Variants in PLCL2 observed in about 807,000 individuals in gnomAD.
PLCL2 encodes inactive phospholipase C-like protein 2.
Under a neutral mutation model 79.6 loss-of-function variants are expected in PLCL2, and 4 were observed. The ratio of observed to expected loss-of-function variants is 0.05; its 90% confidence interval spans 0.02 to 0.11. The LOEUF (loss-of-function observed/expected upper bound fraction) is 0.11, where lower values mean the gene tolerates loss of function less well. Ranked by LOEUF, PLCL2 falls within the 10% of genes least tolerant of loss-of-function variation. The probability of loss-of-function intolerance (pLI) is 1.00; values close to 1 mark genes in which losing one functional copy is unlikely to be tolerated. For synonymous variants in PLCL2, 484 were observed against 457.7 expected (o/e 1.06, Z -0.73); for missense variants, 895 against 1,291.0 (o/e 0.69, Z 4.70).
chr3:17,059,994 T>C (rs1361175134), intron 4 of PLCL2, among the ~76,000 whole-genome samples: 2 of 151,816 alleles, frequency 1.3e-5, no homozygotes, highest in African/African-American at 4.8e-5. Flanking sequence ...CAAACAAAAA[T>C]GTTCTGGGTC....
At chr3:16,990,398 T>C (rs184707905) in intron 1 of PLCL2, among the ~76,000 whole-genome samples, 1 of 152,328 alleles carries the variant, frequency 6.6e-6, no homozygotes, top group African/African-American at 2.4e-5. Flanking sequence ...CCTTCTGCAT[T>C]GGTGGTCAGA....
chr3:17,029,655 G>A (rs890545783), intron 3 of PLCL2, among the ~76,000 whole-genome samples: 10 of 152,116 alleles, frequency 6.6e-5, no homozygotes, highest in East Asian at 5.8e-4. Flanking sequence ...GATAGGGTCC[G>A]TTTGAGCTGA....
chr3:16,934,120 A>G (rs1204353715), intron 1 of PLCL2, among the ~76,000 whole-genome samples: 2 of 152,186 alleles, frequency 1.3e-5, no homozygotes, highest in African/African-American at 4.8e-5. Flanking sequence ...AGCCCTAGAT[A>G]TTGGGCATGC....
At chr3:16,954,830 G>C (rs948582375) in intron 1 of PLCL2, among the ~76,000 whole-genome samples, 9 of 152,186 alleles carry the variant, frequency 5.9e-5, no homozygotes, top group Admixed American at 5.2e-4. Context: ...GTCTTCTTTT[G>C]AGAAGTGTCT....
intron 5 of PLCL2, among the ~76,000 whole-genome samples, chr3:17,072,733 A>AT (rs1169684446): frequency 1.3e-5 from 2 of 151,614 alleles, no homozygotes; most frequent in African/African-American, 4.8e-5. Flanking sequence ...TCATATTGTT[A>AT]TTTTTTTATT....
chr3:16,897,246 C>T (rs1284968752), intron 1 of PLCL2, among the ~76,000 whole-genome samples: 1 of 151,492 alleles, frequency 6.6e-6, no homozygotes, highest in Non-Finnish European at 1.5e-5. Context: ...GTGAAAATGA[C>T]AGTCTGCCCT....
At chr3:16,997,288 C>T (rs2064163380) in intron 1 of PLCL2, among the ~76,000 whole-genome samples, 1 of 152,070 alleles carries the variant, frequency 6.6e-6, no homozygotes, top group South Asian at 2.1e-4. Flanking sequence ...CCACATAAAA[C>T]AATTAGATAA....
At chr3:16,913,252 C>A (rs1210655265) in intron 1 of PLCL2, among the ~76,000 whole-genome samples, 1 of 151,910 alleles carries the variant, frequency 6.6e-6, no homozygotes, top group Non-Finnish European at 1.5e-5. Context: ...TAATCTGTAC[C>A]CTATTCCAGA....
At chr3:16,975,386 GTAGGT>G (rs1001044344) in intron 1 of PLCL2, among the ~76,000 whole-genome samples, 3 of 152,198 alleles carry the variant, frequency 2.0e-5, no homozygotes, top group Non-Finnish European at 4.4e-5. Flanking sequence ...CTTTTAGTTA[GTAGGT>G]TCAGCTGCTT....
chr3:16,919,384 T>A (rs1050556271), intron 1 of PLCL2, among the ~76,000 whole-genome samples: 3 of 152,204 alleles, frequency 2.0e-5, no homozygotes, highest in Non-Finnish European at 4.4e-5. Context: ...TTGTTCCTCT[T>A]TTCCTTACTA....
At position 17,009,368 on chromosome 3, in the gene PLCL2, T is replaced by C. The variant is rs2064296145; in HGVS notation, c.328-306T>C. ...AACTCCTCACCTCAAGCAATCCTCC[T>C]GCCTTAGCCTCCCAAAGTGCTGAGT... On this transcript the variant is annotated intron_variant, in intron 1 of 5. Transcript: ENST00000615277. The surrounding 1 kb of genome is among the most constrained non-coding windows in gnomAD (Gnocchi z 4.0). 6.6e-6 allele frequency among the ~76,000 whole-genome samples: 1 copy of C among 152,102 alleles called. No individual in the cohort carries two copies. Among genetic ancestry groups the C allele is most frequent in the Non-Finnish European group, 1.5e-5 (1 of 68,020 alleles).
intron 1 of PLCL2, among the ~76,000 whole-genome samples, chr3:16,919,997 AG>A (rs1697086050): frequency 6.6e-6 from 1 of 152,202 alleles, no homozygotes; most frequent in African/African-American, 2.4e-5. Context: ...TAATCACCAG[AG>A]TATAATCTTG....
chr3:16,980,424 C>T (rs1012694825), intron 1 of PLCL2, among the ~76,000 whole-genome samples: 3 of 147,088 alleles, frequency 2.0e-5, no homozygotes, highest in Non-Finnish European at 3.0e-5. Context: ...TCAGACGGGG[C>T]GGTTGCCAGG....
Position 17,072,766 on chromosome 3 carries a change from T to A in PLCL2, c.3204+4701T>A, listed in dbSNP as rs1007918778. 2.0e-5 allele frequency among the ~76,000 whole-genome samples: 3 copies of A among 152,168 alleles called. No individual in the cohort carries two copies. In the East Asian group the frequency reaches 5.8e-4, roughly 29 times the overall value. ...ATTGTCCATGTTAAAAGTATTCATA[T>A]TTGGTCTTGAAACTATAATTGCCAT... is the stretch of plus-strand genomic sequence containing the variant. On this transcript the variant is annotated intron_variant, in intron 5 of 5. Coordinates refer to ENST00000615277, the MANE Select transcript of PLCL2 (RefSeq NM_001144382.2).
intron 1 of PLCL2, among the ~76,000 whole-genome samples, chr3:16,979,107 C>G (rs2063954738): frequency 6.6e-6 from 1 of 152,166 alleles, no homozygotes; most frequent in South Asian, 2.1e-4. Context: ...AAGTAGGGAT[C>G]TCTAAATTTG....
chr3:16,928,554 C>T (rs1697312496), intron 1 of PLCL2, among the ~76,000 whole-genome samples: 2 of 152,174 alleles, frequency 1.3e-5, no homozygotes, highest in Admixed American at 6.5e-5. Flanking sequence ...GCAAAGGGTG[C>T]AGTCTGATGC....
At chr3:16,903,079 T>C (rs1488632346) in intron 1 of PLCL2, among the ~76,000 whole-genome samples, 7 of 152,164 alleles carry the variant, frequency 4.6e-5, no homozygotes, top group Non-Finnish European at 4.4e-5. Flanking sequence ...AAGTTAGGAA[T>C]TGGGCATATT....
intron 4 of PLCL2, among the ~76,000 whole-genome samples, chr3:17,052,130 C>T (rs62247188): frequency 0.11 from 17,095 of 151,352 alleles, 1,562 homozygotes; most frequent in East Asian, 0.49. Flanking sequence ...CCATGAAAGT[C>T]ATCGAGTCCA....
intron 1 of PLCL2, among the ~76,000 whole-genome samples, chr3:16,917,464 C>G (rs1475717366): frequency 6.6e-6 from 1 of 152,114 alleles, no homozygotes; most frequent in African/African-American, 2.4e-5. Flanking sequence ...CTTGTCTCTG[C>G]TCTCTGATGT....
Sources: allele counts gnomAD v4.1 joint callset (sites outside exome capture counted in the v4.1 genomes callset), GRCh38; gene constraint gnomAD v4.1.1; non-coding constraint Gnocchi (gnomAD v3.1); transcripts MANE v1.5; gene names NCBI Gene and HGNC (gene_info 2026-07-23, HGNC 2026-07-21).